Variants in ZZEF1 observed in about 807,000 individuals in gnomAD.
The protein encoded by ZZEF1 is zinc finger ZZ-type and EF-hand domain-containing protein 1.
In ZZEF1, 157 loss-of-function variants were observed where a neutral mutation model predicts 342.8. The observed-to-expected ratio is 0.46, with a 90% confidence interval of 0.40 to 0.52. ZZEF1 has a LOEUF of 0.52. ZZEF1 is among the 20% of genes least tolerant of loss of function. The probability of loss-of-function intolerance (pLI) is 0.00; values close to 1 mark genes in which losing one functional copy is unlikely to be tolerated. For missense variants in ZZEF1, 3,480 were observed against 3,725.6 expected (o/e 0.93, Z 1.72); for synonymous variants, 1,505 against 1,429.1 (o/e 1.05, Z -1.20).
chr17:4,006,789 G>GC lies in ZZEF1; in HGVS notation c.*100dup. ...AACTGGAGTGGTCAGCTCAAGGAGA[G>GC]CTGGGCACTGGCGCTACAGGAGTTT... On this transcript the variant is annotated 3_prime_UTR_variant, in exon 55 of 55. Transcript: ENST00000381638. The GC allele has an allele frequency of 7.8e-7, 1 of 1,287,822 alleles. No individual in the cohort carries two copies. Among genetic ancestry groups the GC allele is most frequent in the South Asian group, 1.3e-5 (1 of 78,490 alleles). 79.8% of individuals were successfully genotyped at this position (1,287,822 alleles called of 1,614,324 possible).
chr17:4,097,287 G>T (rs1203364506), intron 9 of ZZEF1, among the ~76,000 whole-genome samples: 5 of 151,180 alleles, frequency 3.3e-5, no homozygotes, highest in South Asian at 4.2e-4. Context: ...AAAAAGAAAA[G>T]AAATGTTTAT....
chr17:4,102,436 C>A (rs2058142267), intron 8 of ZZEF1, 21 bp from the exon 9 acceptor site: 24 of 1,604,082 alleles, frequency 1.5e-5, no homozygotes, highest in Non-Finnish European at 2.0e-5. Context: ...AAAAGGAAGA[C>A]CAAGCTGTAA....
intron 49 of ZZEF1, among the ~76,000 whole-genome samples, chr17:4,015,425 GCCTGGGC>G (rs2056073726): frequency 6.6e-6 from 1 of 152,222 alleles, no homozygotes; most frequent in Non-Finnish European, 1.5e-5. Flanking sequence ...AGAAGTAGAT[GCCTGGGC>G]AACTCCAACA....
At chr17:4,092,764 G>A (rs2057968565) in intron 11 of ZZEF1, among the ~76,000 whole-genome samples, 1 of 152,116 alleles carries the variant, frequency 6.6e-6, no homozygotes, top group African/African-American at 2.4e-5. Context: ...TTTGGGAGTT[G>A]TCAAGGAAAT....
chr17:4,105,601 G>T, intron 7 of ZZEF1, 92 bp downstream of exon 7: 1 of 997,462 alleles, frequency 1.0e-6, no homozygotes, highest in Non-Finnish European at 1.5e-6. Context: ...AGTGGTGATC[G>T]TTAAAAGATT....
At chr17:4,056,054 C>T (rs2057151643) in intron 33 of ZZEF1, among the ~76,000 whole-genome samples, 162 bp downstream of exon 33, 1 of 152,218 alleles carries the variant, frequency 6.6e-6, no homozygotes, top group Non-Finnish European at 1.5e-5. Flanking sequence ...CTGCTCACAG[C>T]CTGCATTCGG....
intron 37 of ZZEF1, among the ~76,000 whole-genome samples, chr17:4,046,442 C>T (rs1340919649): frequency 6.6e-6 from 1 of 152,226 alleles, no homozygotes; most frequent in Non-Finnish European, 1.5e-5. Flanking sequence ...ACCCCAGCTT[C>T]AGGTCTGAGA....
rs926506443 is a variant in ZZEF1 at position 4,058,641 on chromosome 17, G to A, written c.5004-486C>T. On this transcript the variant is annotated intron_variant, in intron 31 of 54. Coordinates refer to ENST00000381638, the MANE Select transcript of ZZEF1 (RefSeq NM_015113.4). ...TGTAATTCCAGCACTTTGGGAGGCC[G>A]AGGCAGGCAGACTGCTTGAGCCCAG... Among the ~76,000 whole-genome samples the A allele has an allele frequency of 7.9e-5, 12 of 152,296 alleles. No individual in the cohort carries two copies. In the South Asian group the frequency reaches 1.0e-3, roughly 13 times the overall value.
intron 29 of ZZEF1, 79 bp downstream of exon 29, chr17:4,064,282 A>G (rs2057345596): frequency 9.0e-7 from 1 of 1,107,468 alleles, no homozygotes; most frequent in Non-Finnish European, 1.3e-6. Flanking sequence ...CGTTTTTAAC[A>G]TGAACTTCAA....
At chr17:4,096,811 G>T in intron 9 of ZZEF1, 111 bp from the exon 10 acceptor site, 1 of 820,684 alleles carries the variant, frequency 1.2e-6, no homozygotes, top group Non-Finnish European at 2.0e-6. Context: ...TAACTGGTCT[G>T]ATATCTTCAC....
At chr17:4,082,707 T>A (rs2057746935) in intron 16 of ZZEF1, among the ~76,000 whole-genome samples, 1 of 152,176 alleles carries the variant, frequency 6.6e-6, no homozygotes, top group Admixed American at 6.6e-5. Context: ...AGGTGGTAGG[T>A]GCACTTGGTT....
intron 9 of ZZEF1, among the ~76,000 whole-genome samples, chr17:4,097,926 CAAAA>C (rs541461547): frequency 9.4e-5 from 6 of 63,674 alleles, no homozygotes; most frequent in South Asian, 1.3e-3. Context: ...CCATTTCTAC[CAAAA>C]AAAAAAAAAA....
chr17:4,117,739 C>T (rs1018663964), intron 2 of ZZEF1, among the ~76,000 whole-genome samples: 3 of 150,304 alleles, frequency 2.0e-5, no homozygotes, highest in African/African-American at 7.4e-5. Context: ...TCAATCCAAT[C>T]TTCAAAAATG....
Position 4,006,753 on chromosome 17 carries a change from C to T in ZZEF1, c.*137G>A. On this transcript the variant is annotated 3_prime_UTR_variant, in exon 55 of 55. Transcript: ENST00000381638. ...ACGGGAGCTCTTGGAGACGTGGCTG[C>T]TTGGCATCCTAACTGGAGTGGTCAG... is the stretch of plus-strand genomic sequence containing the variant. The T allele has an allele frequency of 1.1e-6, 1 of 883,658 alleles. No homozygotes were observed. Among genetic ancestry groups the T allele is most frequent in the South Asian group, 1.4e-5 (1 of 70,000 alleles). 54.7% of individuals were successfully genotyped at this position (883,658 alleles called of 1,614,324 possible).
chr17:4,044,092 T>C, intron 38 of ZZEF1, 132 bp downstream of exon 38: 1 of 904,782 alleles, frequency 1.1e-6, no homozygotes, highest in Non-Finnish European at 1.7e-6. Context: ...CAGCACCATC[T>C]GAACAGAACT....
chr17:4,064,073 G>GT (rs2057341587), intron 29 of ZZEF1, among the ~76,000 whole-genome samples: 1 of 150,376 alleles, frequency 6.6e-6, no homozygotes, highest in Non-Finnish European at 1.5e-5. Flanking sequence ...AGGGGGGGGG[G>GT]TCTCACTATG....
chr17:4,104,377 T>C (rs540988789), intron 8 of ZZEF1, among the ~76,000 whole-genome samples: 2 of 152,286 alleles, frequency 1.3e-5, no homozygotes, highest in East Asian at 1.9e-4. Context: ...AAGCAGATCA[T>C]GGGAGTATAG....
rs755192996 is a variant in ZZEF1, at chr17:4,006,914, G to C, written c.8862C>G (p.Thr2954=). The change falls in exon 55 of 55, where the codon ACC becomes ACG. Residue 2954 remains threonine (T), a synonymous_variant. Transcript: ENST00000381638. ...GCTAACACTCCACATTCCAGAGGCGGGTGGCCTTGTTTGGGTAGTTGATGG... is the reference window on the plus strand; with the variant it reads ...GCTAACACTCCACATTCCAGAGGCGCGTGGCCTTGTTTGGGTAGTTGATGG... The part of the protein sequence containing the change: ...SLAINYPNKA[T]RLWNVEC 6.4e-7 allele frequency: 1 copy of C among 1,571,562 alleles called. No individual in the cohort carries two copies. The highest frequency in any genetic ancestry group is 8.6e-7 in the Non-Finnish European group (1 of 1,156,926).
At chr17:4,139,518 T>C (rs938712866) in intron 1 of ZZEF1, among the ~76,000 whole-genome samples, 1 of 152,250 alleles carries the variant, frequency 6.6e-6, no homozygotes, top group Non-Finnish European at 1.5e-5. Context: ...CTCAAAAGCT[T>C]AGACGTAGAT....
Sources: gnomAD v4.1 joint callset for allele counts (sites outside exome capture counted in the v4.1 genomes callset) on GRCh38, gnomAD v4.1.1 for gene constraint, MANE v1.5 for transcripts, NCBI Gene and HGNC (gene_info 2026-07-23, HGNC 2026-07-21) for gene names.